ONECUT2: variants seen among roughly 807,000 people sequenced by gnomAD.
The protein encoded by ONECUT2 is one cut homeobox 2.
In ONECUT2, 10 loss-of-function variants were observed where a neutral mutation model predicts 27.9. The ratio of observed to expected loss-of-function variants is 0.36; its 90% CI spans 0.22 to 0.61. The LOEUF (loss-of-function observed/expected upper bound fraction) is 0.61, where lower values mean the gene tolerates loss of function less well. ONECUT2 is among the 20% of genes least tolerant of loss of function. The probability of loss-of-function intolerance (pLI) is 0.73; values close to 1 mark genes in which losing one functional copy is unlikely to be tolerated. For synonymous variants in ONECUT2, 334 were observed against 315.1 expected, an observed-to-expected ratio of 1.06 and a Z score of -0.64; for missense variants, 686 against 721.0, an observed-to-expected ratio of 0.95 and a Z score of 0.56.
intron 1 of ONECUT2, among the ~76,000 whole-genome samples, chr18:57,443,047 A>G (rs576848080): frequency 1.3e-5 from 2 of 152,346 alleles, no homozygotes; most frequent in Non-Finnish European, 2.9e-5. Flanking sequence ...AGAAGAGACC[A>G]GAGGAACAGG....
chr18:57,467,228 G>A (rs1195780685), intron 1 of ONECUT2: 1 of 456,140 alleles, frequency 2.2e-6, no homozygotes, highest in Admixed American at 2.4e-5. Flanking sequence ...ACAGTAAGTG[G>A]ACACTGGGGA....
At chr18:57,444,095 G>A (rs1489496094) in intron 1 of ONECUT2, among the ~76,000 whole-genome samples, 2 of 152,168 alleles carry the variant, frequency 1.3e-5, no homozygotes, top group East Asian at 3.9e-4. Context: ...TAAAATTAAG[G>A]GGAAAAGAAC....
chr18:57,454,491 G>A (rs1480578755), intron 1 of ONECUT2, among the ~76,000 whole-genome samples: 1 of 152,052 alleles, frequency 6.6e-6, no homozygotes, highest in Non-Finnish European at 1.5e-5. Context: ...AAGAGCCTCA[G>A]TTCCCTCCTC....
chr18:57,446,990 T>C (rs746023827), intron 1 of ONECUT2, among the ~76,000 whole-genome samples: 3 of 151,396 alleles, frequency 2.0e-5, no homozygotes, highest in Non-Finnish European at 4.4e-5. Context: ...GGAGAGAGGA[T>C]GGGAGAGAAT....
At chr18:57,464,853 A>C (rs1251100839) in intron 1 of ONECUT2, among the ~76,000 whole-genome samples, 1 of 152,242 alleles carries the variant, frequency 6.6e-6, no homozygotes, top group African/African-American at 2.4e-5. Flanking sequence ...ACAATATCAC[A>C]TTCTTGAGCT....
At chr18:57,449,322 TGAA>T (rs531272850) in intron 1 of ONECUT2, among the ~76,000 whole-genome samples, 77 of 152,338 alleles carry the variant, frequency 5.1e-4, no homozygotes, top group Middle Eastern at 6.8e-3. Context: ...TAAATATCTG[TGAA>T]TAAGTTAATA....
chr18:57,466,783 C>T (rs1484552883), intron 1 of ONECUT2, among the ~76,000 whole-genome samples: 1 of 152,256 alleles, frequency 6.6e-6, no homozygotes, highest in African/African-American at 2.4e-5. Context: ...AGACCAAGTG[C>T]TCTCTAAAAT....
Position 57,435,521 on chromosome 18 carries a change from ACGCCCCGTCCGCCCCCACCC to A in ONECUT2, c.-189_-170del, listed in dbSNP as rs1330233946. On this transcript the variant is annotated 5_prime_UTR_variant, in exon 1 of 2. Coordinates refer to ENST00000491143, the MANE Select transcript of ONECUT2 (RefSeq NM_004852.3). ...CCGTCCCCTCCCCTCTCCCGCACGC[ACGCCCCGTCCGCCCCCACCC>A]CGCCCCCACCCCGGGCGAGCCCGCC... 1.9e-5 allele frequency among the ~76,000 whole-genome samples: 1 copy of A among 53,470 alleles called. No individual in the cohort carries two copies. Among genetic ancestry groups the A allele is most frequent in the East Asian group, 5.8e-4 (1 of 1,712 alleles). 35.1% of individuals were successfully genotyped at this position (53,470 alleles called of 152,430 possible).
At position 57,460,529 on chromosome 18, in the gene ONECUT2, T is replaced by C. The variant is rs187843231; in HGVS notation, c.1229-15908T>C. Reference sequence around the variant, plus strand: ...CTTTATGATATATCTTGAGCTCTAATAGGATATATATTTTCTCTCCTCATC... The same window carrying C: ...CTTTATGATATATCTTGAGCTCTAACAGGATATATATTTTCTCTCCTCATC... On this transcript the variant is annotated intron_variant, in intron 1 of 1. Coordinates refer to ENST00000491143, the MANE Select transcript of ONECUT2 (RefSeq NM_004852.3). Among the ~76,000 whole-genome samples, 1,187 of 149,658 alleles carry C rather than the reference T, an allele frequency of 7.9e-3. 19 individuals carry two copies. The highest frequency in any genetic ancestry group is 0.027 in the African/African-American group (1,093 of 40,898).
chr18:57,447,755 A>G (rs1189320941), intron 1 of ONECUT2, among the ~76,000 whole-genome samples: 2 of 152,162 alleles, frequency 1.3e-5, no homozygotes, highest in Admixed American at 1.3e-4. Context: ...TTTTGAAAGC[A>G]TGACTTTTAT....
At position 57,479,598 on chromosome 18, in the gene ONECUT2, T is replaced by A. The variant is rs1419591180; in HGVS notation, c.*2875T>A. On this transcript the variant is annotated 3_prime_UTR_variant, in exon 2 of 2. Transcript: ENST00000491143. ...TTTTAGCATTTAACCTGTTGATAAA[T>A]GGATCCATGGTGTACATGAGTTTTA... is the stretch of plus-strand genomic sequence containing the variant. 1 of 152,624 alleles carries A rather than the reference T, an allele frequency of 6.6e-6. No homozygotes were observed. Among genetic ancestry groups the A allele is most frequent in the Non-Finnish European group, 1.5e-5 (1 of 68,040 alleles). 9.5% of individuals were successfully genotyped at this position (152,624 alleles called of 1,614,324 possible). A position where few individuals can be genotyped will look rare whatever the true frequency, so the allele number is the denominator to read the frequency against.
At chr18:57,459,855 G>T (rs968270534) in intron 1 of ONECUT2, among the ~76,000 whole-genome samples, 1 of 152,072 alleles carries the variant, frequency 6.6e-6, no homozygotes, top group African/African-American at 2.4e-5. Context: ...CACCATGCCC[G>T]GCCCAAATAA....
At chr18:57,454,052 A>G (rs530942501) in intron 1 of ONECUT2, among the ~76,000 whole-genome samples, 3 of 152,196 alleles carry the variant, frequency 2.0e-5, no homozygotes, top group African/African-American at 7.2e-5. Flanking sequence ...TTTTTAAAAA[A>G]ATTGTTCCAA....
At position 57,441,627 on chromosome 18, in the gene ONECUT2, T is replaced by C. The variant is rs557637964; in HGVS notation, c.1228+4683T>C. Among the ~76,000 whole-genome samples, 7 of 152,370 alleles carry C rather than the reference T, an allele frequency of 4.6e-5. No individual in the cohort carries two copies. In the South Asian group the frequency reaches 1.2e-3, roughly 27 times the overall value. On this transcript the variant is annotated intron_variant, in intron 1 of 1. Transcript: ENST00000491143. Reference sequence around the variant, plus strand: ...AATGCGCTGAACGGTGCCCGAGTCTTCCTAACTATCCTGTGCTTGGCCGTT... The same window carrying C: ...AATGCGCTGAACGGTGCCCGAGTCTCCCTAACTATCCTGTGCTTGGCCGTT...
chr18:57,435,622 G>GCC lies in ONECUT2; in HGVS notation c.-91_-90dup. On this transcript the variant is annotated 5_prime_UTR_variant, in exon 1 of 2. Coordinates refer to ENST00000491143, the MANE Select transcript of ONECUT2 (RefSeq NM_004852.3). ...CTCCTCTCCACTCACTCCCGCGCCC[G>GCC]CCCCCACTCCCGCAGCCGAGCCCCG... is the stretch of plus-strand genomic sequence containing the variant. The GCC allele has an allele frequency of 1.1e-6, 1 of 948,072 alleles. No individual in the cohort carries two copies. The highest frequency in any genetic ancestry group is 1.2e-6 in the Non-Finnish European group (1 of 801,116). 58.7% of individuals were successfully genotyped at this position (948,072 alleles called of 1,614,324 possible).
chr18:57,445,928 G>A (rs2050198678), intron 1 of ONECUT2, among the ~76,000 whole-genome samples: 1 of 152,242 alleles, frequency 6.6e-6, no homozygotes, highest in African/African-American at 2.4e-5. Context: ...CAGAGCAGCT[G>A]CAGGAGCCTG....
intron 1 of ONECUT2, among the ~76,000 whole-genome samples, chr18:57,444,599 G>C (rs1266729914): frequency 2.0e-5 from 3 of 152,256 alleles, no homozygotes; most frequent in Non-Finnish European, 4.4e-5. Flanking sequence ...AGTTGAGTCT[G>C]CTAGGGAATC....
At chr18:57,465,661 TC>T (rs1428368799) in intron 1 of ONECUT2, among the ~76,000 whole-genome samples, 1 of 152,214 alleles carries the variant, frequency 6.6e-6, no homozygotes, top group African/African-American at 2.4e-5. Context: ...CAGATGAGGA[TC>T]CCTTTTTGTC....
intron 1 of ONECUT2, among the ~76,000 whole-genome samples, chr18:57,467,847 G>A (rs77453563): frequency 0.049 from 7,468 of 152,230 alleles, 669 homozygotes; most frequent in East Asian, 0.36. Flanking sequence ...CCACCCTCCA[G>A]CATCTCCAGA....
Sources: gnomAD v4.1 joint callset for allele counts (sites outside exome capture counted in the v4.1 genomes callset) on GRCh38, gnomAD v4.1.1 for gene constraint, MANE v1.5 for transcripts, NCBI Gene and HGNC (gene_info 2026-07-23, HGNC 2026-07-21) for gene names.